Variants in SUPT3H observed in about 807,000 individuals in gnomAD.
The protein encoded by SUPT3H is transcription initiation protein SPT3 homolog.
SUPT3H carries 44 observed loss-of-function variants against 44.3 expected under a neutral mutation model. The observed-to-expected ratio is 0.99, with a 90% CI of 0.78 to 1.28. The LOEUF (loss-of-function observed/expected upper bound fraction) is 1.28. Ranked by LOEUF, SUPT3H falls within the 50% of genes most tolerant of loss-of-function variation. The probability of loss-of-function intolerance (pLI) is 0.00; values close to 1 mark genes in which losing one functional copy is unlikely to be tolerated. For synonymous variants in SUPT3H, 124 were observed against 125.6 expected (o/e 0.99, Z 0.09); for missense variants, 380 against 387.1 (o/e 0.98, Z 0.15).
At chr6:45,245,532 A>G (rs532046569) in intron 2 of SUPT3H, among the ~76,000 whole-genome samples, 1 of 152,302 alleles carries the variant, frequency 6.6e-6, no homozygotes, top group Non-Finnish European at 1.5e-5. Context: ...GTGGAATCGC[A>G]TAACATTTGT....
At chr6:44,947,092 A>ATAAT (rs1773470872) in intron 9 of SUPT3H, among the ~76,000 whole-genome samples, 2 of 152,248 alleles carry the variant, frequency 1.3e-5, no homozygotes, top group Non-Finnish European at 2.9e-5. Flanking sequence ...CATTTAAAAA[A>ATAAT]TAAAGTATTT....
chr6:45,175,714 A>AC (rs1811660767), intron 2 of SUPT3H, among the ~76,000 whole-genome samples: 1 of 151,028 alleles, frequency 6.6e-6, no homozygotes, highest in African/African-American at 2.5e-5. Flanking sequence ...AGTGATATTA[A>AC]AAAAAAATGG....
chr6:45,171,713 CTT>C lies in SUPT3H; in HGVS notation c.102-65709_102-65708del, dbSNP rs777154020. ...AAGGCATTAACAAAAATTCCACTTG[CTT>C]TTTTTTTTTTTTTTTTTTTTTTGAC... On this transcript the variant is annotated intron_variant, in intron 2 of 10. Transcript: ENST00000371459. Among the ~76,000 whole-genome samples the C allele has an allele frequency of 9.6e-5, 9 of 93,478 alleles. No individual in the cohort carries two copies. The East Asian group carries it at 1.0e-3, about 11-fold the overall frequency. The allele number at this position is 93,478 out of a possible 152,430, so 61.3% of individuals were successfully genotyped here. A position where few individuals can be genotyped will look rare whatever the true frequency, so the allele number is the denominator to read the frequency against.
chr6:44,856,567 A>T (rs1773766137), intron 10 of SUPT3H, among the ~76,000 whole-genome samples: 1 of 152,070 alleles, frequency 6.6e-6, no homozygotes, highest in Non-Finnish European at 1.5e-5. Flanking sequence ...GGTTTTTTCT[A>T]TTTTTCCAAT....
At chr6:45,212,746 T>A (rs1764343762) in intron 2 of SUPT3H, among the ~76,000 whole-genome samples, 1 of 152,222 alleles carries the variant, frequency 6.6e-6, no homozygotes, top group Admixed American at 6.5e-5. Flanking sequence ...CAAATAACCT[T>A]CCCTCACAGT....
At chr6:44,899,404 T>C (rs1290138864) in intron 10 of SUPT3H, 1 of 152,184 alleles carries the variant, frequency 6.6e-6, no homozygotes. Context: ...AAAGTTATAA[T>C]GTGGCCGGTG....
chr6:45,371,394 CTTT>C (rs560509544), intron 1 of SUPT3H, among the ~76,000 whole-genome samples: 1 of 138,886 alleles, frequency 7.2e-6, no homozygotes, highest in Non-Finnish European at 1.6e-5. Context: ...TATTAGCTCA[CTTT>C]TTTTTTTTTT....
intron 3 of SUPT3H, among the ~76,000 whole-genome samples, chr6:45,027,078 C>T (rs1025856085): frequency 1.3e-5 from 2 of 149,998 alleles, no homozygotes; most frequent in African/African-American, 4.9e-5. Flanking sequence ...CAGCCTCAAC[C>T]TCCTAGGCAC....
chr6:44,953,549 A>C (rs1336149813), intron 8 of SUPT3H, 132 bp from the exon 9 acceptor site: 1 of 660,498 alleles, frequency 1.5e-6, no homozygotes, highest in Non-Finnish European at 2.6e-6. Context: ...TATTGTAGAC[A>C]TGAGCACACA....
At chr6:45,229,768 T>C (rs1767613956) in intron 2 of SUPT3H, among the ~76,000 whole-genome samples, 1 of 152,134 alleles carries the variant, frequency 6.6e-6, no homozygotes, top group African/African-American at 2.4e-5. Context: ...CAAAAAAAAG[T>C]GTAATGATCA....
chr6:44,946,824 C>G (rs1223520572), intron 9 of SUPT3H, among the ~76,000 whole-genome samples: 1 of 152,192 alleles, frequency 6.6e-6, no homozygotes, highest in East Asian at 1.9e-4. Context: ...TTTGAGAGAA[C>G]TGACTCCAAT....
intron 9 of SUPT3H, among the ~76,000 whole-genome samples, chr6:44,948,857 G>A (rs534618541): frequency 4.0e-4 from 61 of 152,150 alleles, no homozygotes; most frequent in Non-Finnish European, 8.1e-4. Flanking sequence ...TCTAGAACTA[G>A]AAATACCATT....
chr6:44,919,608 C>T (rs557716882), intron 10 of SUPT3H, among the ~76,000 whole-genome samples: 6 of 152,094 alleles, frequency 3.9e-5, no homozygotes, highest in South Asian at 2.1e-4. Context: ...AATTTAGTCT[C>T]GAGAACATTT....
At chr6:45,231,397 T>C (rs1768019563) in intron 2 of SUPT3H, among the ~76,000 whole-genome samples, 1 of 152,232 alleles carries the variant, frequency 6.6e-6, no homozygotes, top group South Asian at 2.1e-4. Context: ...TTTTTGTCTT[T>C]GAGCACATTA....
chr6:44,953,244 T>G (rs1276914080), intron 9 of SUPT3H, 66 bp downstream of exon 9: 1 of 1,182,366 alleles, frequency 8.5e-7, no homozygotes, highest in Non-Finnish European at 1.3e-6. Flanking sequence ...AAAGAATCAC[T>G]AATGTAAATA....
chr6:45,096,805 G>GTTTTT (rs534818011), intron 3 of SUPT3H, among the ~76,000 whole-genome samples: 1 of 151,150 alleles, frequency 6.6e-6, no homozygotes, highest in African/African-American at 2.4e-5. Context: ...ACTAAGGGAG[G>GTTTTT]TTTTTTTTTA....
chr6:45,111,792 GC>G (rs970829720), intron 2 of SUPT3H, among the ~76,000 whole-genome samples: 3 of 151,680 alleles, frequency 2.0e-5, no homozygotes, highest in South Asian at 2.1e-4. Context: ...TGTAGTCACG[GC>G]CCCCCCACCC....
chr6:44,868,801 C>G (rs948841227), intron 10 of SUPT3H, among the ~76,000 whole-genome samples: 23 of 152,216 alleles, frequency 1.5e-4, no homozygotes, highest in African/African-American at 5.5e-4. Context: ...TCCTTGTCAA[C>G]TCATCTTGGA....
intron 2 of SUPT3H, among the ~76,000 whole-genome samples, chr6:45,109,398 A>C (rs1799732207): frequency 6.6e-6 from 1 of 152,236 alleles, no homozygotes; most frequent in Non-Finnish European, 1.5e-5. Context: ...CTTAACCATA[A>C]AACTACAAAT....
Sources: allele counts gnomAD v4.1 joint callset (sites outside exome capture counted in the v4.1 genomes callset), GRCh38; gene constraint gnomAD v4.1.1; transcripts MANE v1.5; gene names NCBI Gene and HGNC (gene_info 2026-07-23, HGNC 2026-07-21).